Variants in GRID2 observed in about 807,000 individuals in gnomAD.
GRID2 encodes the protein glutamate ionotropic receptor delta type subunit 2, also known as glutamate receptor ionotropic, delta-2.
GRID2 carries 33 observed loss-of-function variants against 114.8 expected under a neutral mutation model. The observed-to-expected ratio is 0.29, with a 90% confidence interval of 0.22 to 0.38. The LOEUF (loss-of-function observed/expected upper bound fraction) is 0.38. Ranked by LOEUF, GRID2 falls within the 10% of genes least tolerant of loss-of-function variation. GRID2 has a pLI of 1.00. For missense variants in GRID2, 1,184 were observed against 1,257.7 expected, an observed-to-expected ratio of 0.94 and a Z score of 0.89; for synonymous variants, 505 against 449.9, an observed-to-expected ratio of 1.12 and a Z score of -1.55.
intron 2 of GRID2, among the ~76,000 whole-genome samples, chr4:92,610,885 AT>A (rs1179904691): frequency 6.6e-6 from 1 of 151,582 alleles, no homozygotes; most frequent in East Asian, 1.9e-4. Context: ...AAGTGACAAG[AT>A]TTTTTTCTTT....
chr4:92,679,261 C>A lies in GRID2; in HGVS notation c.244+88975C>A, dbSNP rs1733530176. Reference sequence around the variant, plus strand: ...TTGTCTTTAGTTCTTTTATTTTTTGCAGTTTTAATCTGTGCACAGAGAACA... The same window carrying A: ...TTGTCTTTAGTTCTTTTATTTTTTGAAGTTTTAATCTGTGCACAGAGAACA... On this transcript the variant is annotated intron_variant, in intron 2 of 15. Coordinates refer to ENST00000282020, the MANE Select transcript of GRID2 (RefSeq NM_001510.4). 4.6e-5 allele frequency among the ~76,000 whole-genome samples: 7 copies of A among 151,818 alleles called. No individual in the cohort carries two copies. The South Asian group carries it at 1.5e-3, about 32-fold the overall frequency.
At position 93,661,692 on chromosome 4, in the gene GRID2, T is replaced by C. The variant is rs146996290; in HGVS notation, c.2360+35257T>C. On this transcript the variant is annotated intron_variant, in intron 14 of 15. Transcript: ENST00000282020. ...CTGAATTTCTTGTAGGAACAATGAT[T>C]GAATATCAGTGAATTCAGTGTTTGC... Among the ~76,000 whole-genome samples, 376 of 152,282 alleles carry C rather than the reference T, an allele frequency of 2.5e-3. 1 individual carries two copies. Among genetic ancestry groups the C allele is most frequent in the African/African-American group, 8.8e-3 (365 of 41,568 alleles).
At chr4:93,234,555 A>G (rs1746539535) in intron 7 of GRID2, among the ~76,000 whole-genome samples, 1 of 151,956 alleles carries the variant, frequency 6.6e-6, no homozygotes, top group Non-Finnish European at 1.5e-5. Context: ...ATATGCAAAT[A>G]TATGTATATA....
chr4:92,651,881 C>A (rs1731951575), intron 2 of GRID2, among the ~76,000 whole-genome samples: 1 of 152,070 alleles, frequency 6.6e-6, no homozygotes, highest in African/African-American at 2.4e-5. Flanking sequence ...TTGTGCAGAA[C>A]CCTCTGTAAA....
At chr4:93,461,242 A>G (rs868001687) in intron 11 of GRID2, among the ~76,000 whole-genome samples, 1 of 152,160 alleles carries the variant, frequency 6.6e-6, no homozygotes, top group South Asian at 2.1e-4. Context: ...AAAAGCTGCT[A>G]TTCTTCCACT....
At chr4:93,504,402 A>G (rs1352912365) in intron 12 of GRID2, among the ~76,000 whole-genome samples, 1 of 151,962 alleles carries the variant, frequency 6.6e-6, no homozygotes, top group Non-Finnish European at 1.5e-5. Context: ...AACATTTTCA[A>G]TGTTAATTTG....
intron 2 of GRID2, among the ~76,000 whole-genome samples, chr4:92,763,272 T>C (rs1006798261): frequency 6.6e-6 from 1 of 152,170 alleles, no homozygotes; most frequent in Admixed American, 6.5e-5. Context: ...ATTGAAAAAC[T>C]ATGCACAAAG....
chr4:93,578,618 G>C (rs1186738293), intron 13 of GRID2, among the ~76,000 whole-genome samples: 1 of 114,468 alleles, frequency 8.7e-6, no homozygotes, highest in Admixed American at 8.5e-5. Context: ...TTTTGAGTTG[G>C]AGTCTCACTC....
intron 8 of GRID2, 46 bp from the exon 9 acceptor site, chr4:93,395,561 A>G (rs1339728151): frequency 3.6e-6 from 3 of 823,052 alleles, no homozygotes; most frequent in Non-Finnish European, 6.5e-6. Context: ...AGGTGATGGG[A>G]CTGTTCTTCA....
intron 1 of GRID2, among the ~76,000 whole-genome samples, chr4:92,486,632 A>G (rs1469924790): frequency 6.6e-6 from 1 of 151,740 alleles, no homozygotes; most frequent in Non-Finnish European, 1.5e-5. Context: ...GTAAGAATCA[A>G]CAGAGTAAAA....
chr4:92,433,389 C>T (rs1004879489), intron 1 of GRID2, among the ~76,000 whole-genome samples: 8 of 152,218 alleles, frequency 5.3e-5, no homozygotes, highest in Non-Finnish European at 1.0e-4. Flanking sequence ...AGTGCTTTAG[C>T]CTGCAATGGC....
intron 8 of GRID2, among the ~76,000 whole-genome samples, chr4:93,332,251 AGTGTGTGTGTGTGTGCGTGTGTGTGT>A (rs1758542010): frequency 7.7e-6 from 1 of 130,034 alleles, no homozygotes; most frequent in African/African-American, 2.9e-5. Flanking sequence ...CCAGAAAAAG[AGTGTGTGTGTGTGTGCGTGTGTGTGT>A]GTGTGTGTGT....
chr4:93,737,404 A>C (rs1457257274), intron 14 of GRID2, among the ~76,000 whole-genome samples: 8 of 152,020 alleles, frequency 5.3e-5, no homozygotes, highest in Non-Finnish European at 1.2e-4. Context: ...TACAGAGGAC[A>C]TTATCACTAG....
intron 2 of GRID2, among the ~76,000 whole-genome samples, chr4:92,985,225 A>AT (rs778500467): frequency 0.042 from 5,928 of 141,134 alleles, 309 homozygotes; most frequent in African/African-American, 0.12. Context: ...AATAAGGGTA[A>AT]TTTTTTTTTT....
chr4:93,070,439 G>A (rs1233926636), intron 2 of GRID2, among the ~76,000 whole-genome samples: 1 of 152,006 alleles, frequency 6.6e-6, no homozygotes. Flanking sequence ...ATTACTTCCT[G>A]GCAGAGAATA....
chr4:93,666,830 A>G (rs1200261655), intron 14 of GRID2, among the ~76,000 whole-genome samples: 2 of 152,122 alleles, frequency 1.3e-5, no homozygotes. Flanking sequence ...GAAAGACACA[A>G]CTACTTTAGA....
At chr4:92,629,977 A>G (rs1350307226) in intron 2 of GRID2, among the ~76,000 whole-genome samples, 1 of 150,220 alleles carries the variant, frequency 6.7e-6, no homozygotes, top group East Asian at 1.9e-4. Context: ...ATTTAAATGC[A>G]ATGCTTATAG....
intron 2 of GRID2, among the ~76,000 whole-genome samples, chr4:92,889,141 A>G (rs1746571038): frequency 6.6e-6 from 1 of 152,160 alleles, no homozygotes; most frequent in South Asian, 2.1e-4. Flanking sequence ...ATAAACCTTT[A>G]TATATAGAAA....
chr4:93,681,702 G>A (rs141469931), intron 14 of GRID2, among the ~76,000 whole-genome samples: 3,707 of 152,254 alleles, frequency 0.024, 61 homozygotes, highest in Non-Finnish European at 0.026. Flanking sequence ...TTTAATAAGT[G>A]GTGCTGGGAA....
Sources: allele counts gnomAD v4.1 joint callset (sites outside exome capture counted in the v4.1 genomes callset), GRCh38; gene constraint gnomAD v4.1.1; transcripts MANE v1.5; gene names NCBI Gene and HGNC (gene_info 2026-07-23, HGNC 2026-07-21).